Variants in PCYT1B observed in about 807,000 individuals in gnomAD.
PCYT1B encodes the protein phosphate cytidylyltransferase 1B, choline.
PCYT1B carries 10 observed loss-of-function variants against 26.4 expected under a neutral mutation model. The ratio of observed to expected loss-of-function variants is 0.38; its 90% CI spans 0.23 to 0.64. PCYT1B has a LOEUF of 0.64. Ranked by LOEUF, PCYT1B falls within the 30% of genes least tolerant of loss-of-function variation. The probability of loss-of-function intolerance (pLI) is 0.56; values close to 1 mark genes in which losing one functional copy is unlikely to be tolerated. For synonymous variants in PCYT1B, 131 were observed against 108.4 expected (o/e 1.21, Z -1.29); for missense variants, 161 against 292.7 (o/e 0.55, Z 3.28).
At chrX:24,672,110 C>T (rs1372473832) in intron 1 of PCYT1B, among the ~76,000 whole-genome samples, 16 of 111,863 alleles carry the variant, frequency 1.4e-4, no homozygotes, top group Admixed American at 1.4e-3. Context: ...TGCAGTGAGC[C>T]GAGATCGTGC....
At chrX:24,652,523 C>T (rs1461817913) in intron 1 of PCYT1B, among the ~76,000 whole-genome samples, 2 of 108,433 alleles carry the variant, frequency 1.8e-5, no homozygotes, top group Admixed American at 9.9e-5. Context: ...CACACCATTG[C>T]ACTCCAGCCT....
intron 1 of PCYT1B, among the ~76,000 whole-genome samples, chrX:24,624,165 T>G (rs1316716530): frequency 1.8e-5 from 2 of 109,519 alleles, no homozygotes; most frequent in Admixed American, 9.8e-5. Flanking sequence ...GAGACAGGGT[T>G]TCACTGTGTT....
At chrX:24,610,429 G>A (rs1016933970) in intron 2 of PCYT1B, among the ~76,000 whole-genome samples, 27 of 111,970 alleles carry the variant, frequency 2.4e-4, no homozygotes, top group African/African-American at 7.8e-4. Context: ...ATAAGGCACA[G>A]TAAATAGAAA....
chrX:24,571,715 G>A (rs990649339), intron 7 of PCYT1B, among the ~76,000 whole-genome samples: 2 of 111,412 alleles, frequency 1.8e-5, no homozygotes, highest in Admixed American at 9.6e-5. Flanking sequence ...CCAGGAGTTC[G>A]AGGTTACAGT....
intron 1 of PCYT1B, among the ~76,000 whole-genome samples, chrX:24,660,349 G>A (rs1011641963): frequency 3.6e-5 from 4 of 112,120 alleles, no homozygotes; most frequent in African/African-American, 1.3e-4. Context: ...TAAACACCTA[G>A]TCTACTAAAA....
chrX:24,646,482 T>G (rs940535021), intron 1 of PCYT1B, among the ~76,000 whole-genome samples: 5 of 111,127 alleles, frequency 4.5e-5, no homozygotes, highest in South Asian at 3.8e-4. Flanking sequence ...TCCTATGTAT[T>G]TATTTATTTA....
intron 5 of PCYT1B, among the ~76,000 whole-genome samples, chrX:24,585,868 C>T (rs1924355735): frequency 9.0e-6 from 1 of 110,633 alleles, no homozygotes; most frequent in Non-Finnish European, 1.9e-5. Flanking sequence ...TTGCTCCTTC[C>T]CACACAAAAG....
chrX:24,610,355 A>G (rs1925271974), intron 2 of PCYT1B, among the ~76,000 whole-genome samples: 1 of 111,856 alleles, frequency 8.9e-6, no homozygotes, highest in Admixed American at 9.6e-5. Context: ...AATTGCAATT[A>G]TTTCCAATTA....
chrX:24,590,786 C>T (rs1406638787), intron 3 of PCYT1B, among the ~76,000 whole-genome samples: 1 of 84,805 alleles, frequency 1.2e-5, no homozygotes, highest in Non-Finnish European at 2.3e-5. Context: ...CCTTTCACAT[C>T]TCTCTTTTTT....
At position 24,655,058 on chromosome X, in the gene PCYT1B, C is replaced by T. The variant is rs1009408563; in HGVS notation, c.63+17512G>A. On this transcript the variant is annotated intron_variant, in intron 1 of 7. Transcript: ENST00000379145. ...AGTAAAAATATTTTTCAGTAGAAAG[C>T]GTTTCACCCCTCCCTTGGTGCTTTT... Among the ~76,000 whole-genome samples the T allele has an allele frequency of 4.5e-5, 5 of 111,759 alleles. No individual in the cohort carries two copies. The Admixed American group carries it at 4.8e-4, about 11-fold the overall frequency.
At chrX:24,654,600 AAC>A (rs1926862305) in intron 1 of PCYT1B, among the ~76,000 whole-genome samples, 1 of 104,923 alleles carries the variant, frequency 9.5e-6, no homozygotes, top group Non-Finnish European at 2.0e-5. Context: ...AAAATACAAA[AAC>A]ATGAGCCAGG....
intron 2 of PCYT1B, among the ~76,000 whole-genome samples, chrX:24,615,442 G>A (rs1925455623): frequency 9.0e-6 from 1 of 110,974 alleles, no homozygotes; most frequent in Admixed American, 9.7e-5. Flanking sequence ...TATTTCCAGA[G>A]GAAGAACTAC....
intron 1 of PCYT1B, among the ~76,000 whole-genome samples, chrX:24,660,969 C>T (rs1440408975): frequency 9.0e-6 from 1 of 111,433 alleles, no homozygotes; most frequent in Non-Finnish European, 1.9e-5. Context: ...TTGCTCAAAA[C>T]ATTTTTGGAA....
chrX:24,626,501 T>C (rs1230494904), intron 1 of PCYT1B, among the ~76,000 whole-genome samples: 1 of 112,489 alleles, frequency 8.9e-6, no homozygotes, highest in Non-Finnish European at 1.9e-5. Context: ...AAAATGAGAA[T>C]GCATTCATGC....
At chrX:24,593,806 C>T (rs1473774133) in intron 3 of PCYT1B, among the ~76,000 whole-genome samples, 5 of 110,913 alleles carry the variant, frequency 4.5e-5, no homozygotes, top group Admixed American at 2.9e-4. Flanking sequence ...GGATTATAGG[C>T]GTGAGCCACC....
chrX:24,665,873 C>A (rs1438333733), intron 1 of PCYT1B, among the ~76,000 whole-genome samples: 1 of 110,219 alleles, frequency 9.1e-6, no homozygotes, highest in Non-Finnish European at 1.9e-5. Context: ...TCGAGGCTGC[C>A]CCAGCTCCTG....
In PCYT1B at chrX:24,607,860, A is replaced by T. The variant is rs1216465670; in HGVS notation, c.219T>A (p.Ala73=). 8 of 1,090,375 alleles carry T rather than the reference A, an allele frequency of 7.3e-6. No homozygotes were observed. The highest frequency in any genetic ancestry group is 1.0e-5 in the Non-Finnish European group (8 of 794,750). The allele number at this position is 1,090,375 out of a possible 1,213,427, so 89.9% of individuals were successfully genotyped here. A position where few individuals can be genotyped will look rare whatever the true frequency, so the allele number is the denominator to read the frequency against. Residue 73 remains alanine (A), a splice_region_variant and synonymous_variant, in exon 3 of 8, where the codon GCT becomes GCA. Transcript: ENST00000379144. ...TIAQARLGTP[A]DRPVRVYADG... is the part of the protein sequence containing the mutation. ...CGGCGTATACTCTGACAGGCCTGTCAGCTGTGGGAGAAAGAAAACACTGTT... is the reference window on the plus strand; with the variant it reads ...CGGCGTATACTCTGACAGGCCTGTCTGCTGTGGGAGAAAGAAAACACTGTT...
chrX:24,635,379 T>C (rs1926240476), intron 1 of PCYT1B, among the ~76,000 whole-genome samples: 1 of 112,378 alleles, frequency 8.9e-6, no homozygotes, highest in Non-Finnish European at 1.9e-5. Context: ...TGTTGAAGAT[T>C]GAAAGAAACA....
intron 1 of PCYT1B, among the ~76,000 whole-genome samples, chrX:24,663,962 C>T (rs1179786249): frequency 9.2e-6 from 1 of 109,131 alleles, no homozygotes; most frequent in Non-Finnish European, 1.9e-5. Flanking sequence ...ACAGCAAACC[C>T]TGGAGGGCTC....
Sources: allele counts gnomAD v4.1 joint callset (sites outside exome capture counted in the v4.1 genomes callset), GRCh38; gene constraint gnomAD v4.1.1; transcripts MANE v1.5; gene names NCBI Gene and HGNC (gene_info 2026-07-23, HGNC 2026-07-21).